The following WWOX variants were observed in gnomAD, a reference collection of about 807,000 sequenced individuals.
WWOX encodes WW domain containing oxidoreductase.
In WWOX, 69 loss-of-function variants were observed where a neutral mutation model predicts 46.2. That is an observed-to-expected ratio of 1.49 (90% CI 1.23 to 1.82). WWOX has a LOEUF of 1.82. Ranked by LOEUF, WWOX falls within the 40% of genes most tolerant of loss-of-function variation. The pLI is 0.00. For missense variants in WWOX, 919 were observed against 542.6 expected (o/e 1.69, Z -6.89); for synonymous variants, 359 against 202.6 (o/e 1.77, Z -6.56).
chr16:78,536,289 G>A (rs2043757509), intron 8 of WWOX, among the ~76,000 whole-genome samples: 1 of 151,978 alleles, frequency 6.6e-6, no homozygotes, highest in African/African-American at 2.4e-5. Context: ...TGATTGGAGG[G>A]TCTGAGTTTC....
chr16:78,136,052 A>G (rs1431927489), intron 4 of WWOX, among the ~76,000 whole-genome samples: 2 of 152,132 alleles, frequency 1.3e-5, no homozygotes, highest in Non-Finnish European at 2.9e-5. Context: ...TGGCTTTTTC[A>G]TGTCCATTTT....
At chr16:78,425,854 G>T (rs572026471) in intron 7 of WWOX, among the ~76,000 whole-genome samples, 2 of 152,014 alleles carry the variant, frequency 1.3e-5, no homozygotes, top group Non-Finnish European at 2.9e-5. Context: ...AAAAAATAAC[G>T]TGCAAGGGGC....
At chr16:78,776,227 T>C (rs1454723883) in intron 8 of WWOX, among the ~76,000 whole-genome samples, 37 of 152,016 alleles carry the variant, frequency 2.4e-4, no homozygotes, top group Non-Finnish European at 2.5e-4. Context: ...TGTCTAAGGA[T>C]TGTGGGTGAA....
intron 5 of WWOX, among the ~76,000 whole-genome samples, chr16:78,326,701 G>C (rs751508819): frequency 6.6e-6 from 1 of 151,618 alleles, no homozygotes; most frequent in South Asian, 2.1e-4. Context: ...ATCATTAAAA[G>C]CAACAGATTG....
intron 8 of WWOX, among the ~76,000 whole-genome samples, chr16:78,902,147 A>G (rs2044845988): frequency 6.6e-6 from 1 of 152,208 alleles, no homozygotes; most frequent in African/African-American, 2.4e-5. Context: ...AGCAAGGGAA[A>G]CATTTTTCTT....
intron 8 of WWOX, among the ~76,000 whole-genome samples, chr16:78,765,462 T>TGA (rs1039567152): frequency 2.6e-5 from 4 of 152,136 alleles, no homozygotes; most frequent in African/African-American, 9.7e-5. Flanking sequence ...GTGGACCACC[T>TGA]GAGGTCAGGA....
chr16:79,069,344 A>G (rs1042079248), intron 8 of WWOX, among the ~76,000 whole-genome samples: 4 of 152,218 alleles, frequency 2.6e-5, no homozygotes, highest in African/African-American at 9.7e-5. Flanking sequence ...GCTTCCAGCA[A>G]AAGAGCCCAG....
At chr16:79,105,550 A>T (rs377552563) in intron 8 of WWOX, among the ~76,000 whole-genome samples, 4 of 152,194 alleles carry the variant, frequency 2.6e-5, no homozygotes, top group African/African-American at 9.7e-5. Flanking sequence ...CTAGAAATGC[A>T]TATATAGCTA....
At chr16:78,170,095 C>G (rs1281336916) in intron 5 of WWOX, among the ~76,000 whole-genome samples, 2 of 152,106 alleles carry the variant, frequency 1.3e-5, no homozygotes, top group African/African-American at 2.4e-5. Flanking sequence ...CTATTACCCT[C>G]TCATATGGGA....
chr16:78,690,353 C>T (rs943221905), intron 8 of WWOX, among the ~76,000 whole-genome samples: 7 of 152,078 alleles, frequency 4.6e-5, no homozygotes, highest in South Asian at 2.1e-4. Flanking sequence ...TTGTTCAAGA[C>T]TGCCCTGGGC....
intron 8 of WWOX, among the ~76,000 whole-genome samples, chr16:78,944,038 A>G (rs2045902697): frequency 6.6e-6 from 1 of 152,194 alleles, no homozygotes; most frequent in Admixed American, 6.5e-5. Flanking sequence ...CAAATAAACA[A>G]AAACACAAAA....
rs2044959166 is a variant in WWOX, at chr16:78,578,419, A to T, written c.1056+145667A>T. 2.7e-5 allele frequency among the ~76,000 whole-genome samples: 4 copies of T among 147,858 alleles called. No homozygotes were observed. The South Asian group carries it at 8.7e-4, about 32-fold the overall frequency. ...ATTCTCCTGCCTCAGCCTCCTGAGT[A>T]GCTGGCACTATAGGCGCCCACCACC... On this transcript the variant is annotated intron_variant, in intron 8 of 8. Transcript: ENST00000566780.
chr16:78,227,559 A>AC lies in WWOX; in HGVS notation c.516+63272dup, dbSNP rs905354699. Among the ~76,000 whole-genome samples the AC allele has an allele frequency of 3.4e-4, 52 of 152,204 alleles. 1 individual carries two copies. Among genetic ancestry groups the AC allele is most frequent in the Admixed American group, 1.9e-3 (29 of 15,278 alleles). ...GACTTCAGTATCCACCCTTTGAAGG[A>AC]CCGCAGGAGAAGTTGTTCAGGTAGA... On this transcript the variant is annotated intron_variant, in intron 5 of 8. Coordinates refer to ENST00000566780, the MANE Select transcript of WWOX (RefSeq NM_016373.4).
chr16:78,151,958 A>C (rs2034423482), intron 4 of WWOX, among the ~76,000 whole-genome samples: 1 of 152,276 alleles, frequency 6.6e-6, no homozygotes, highest in Admixed American at 6.5e-5. Context: ...TGGGAGGCCG[A>C]GGCGGGCAGA....
At chr16:79,023,674 C>T (rs573097001) in intron 8 of WWOX, among the ~76,000 whole-genome samples, 2 of 151,872 alleles carry the variant, frequency 1.3e-5, no homozygotes, top group African/African-American at 4.8e-5. Flanking sequence ...AATCCCAGCA[C>T]TTTGGGAGGC....
intron 8 of WWOX, among the ~76,000 whole-genome samples, chr16:78,503,125 G>C (rs527262736): frequency 6.6e-6 from 1 of 152,126 alleles, no homozygotes; most frequent in Non-Finnish European, 1.5e-5. Flanking sequence ...ACTCGCAAGC[G>C]ATGTGTGTCT....
chr16:79,124,744 T>C (rs979115070), intron 8 of WWOX, among the ~76,000 whole-genome samples: 1 of 152,348 alleles, frequency 6.6e-6, no homozygotes, highest in Non-Finnish European at 1.5e-5. Context: ...TTAAAGTGTT[T>C]TGGTCAAGAG....
intron 8 of WWOX, among the ~76,000 whole-genome samples, chr16:78,491,074 A>G (rs1413993297): frequency 2.0e-5 from 3 of 152,154 alleles, no homozygotes; most frequent in African/African-American, 7.2e-5. Context: ...AGGCTGAGTC[A>G]TCTGTGCCAG....
intron 8 of WWOX, among the ~76,000 whole-genome samples, chr16:78,831,297 C>G (rs1009170578): frequency 6.6e-6 from 1 of 152,200 alleles, no homozygotes; most frequent in South Asian, 2.1e-4. Flanking sequence ...CTTTAGGCTC[C>G]TGGAGGATTG....
Sources: gnomAD v4.1 joint callset for allele counts (sites outside exome capture counted in the v4.1 genomes callset) on GRCh38, gnomAD v4.1.1 for gene constraint, MANE v1.5 for transcripts, NCBI Gene and HGNC (gene_info 2026-07-23, HGNC 2026-07-21) for gene names.